The following KCNJ6 variants were observed in gnomAD, a reference collection of about 807,000 sequenced individuals.
The protein encoded by KCNJ6 is potassium inwardly rectifying channel subfamily J member 6.
KCNJ6 carries 9 observed loss-of-function variants against 34.2 expected under a neutral mutation model. That is an observed-to-expected ratio of 0.26 (90% CI 0.16 to 0.46). The LOEUF is 0.46. KCNJ6 is among the 20% of genes least tolerant of loss of function. The pLI, the probability that KCNJ6 is intolerant of heterozygous loss-of-function variation, is 1.00. For synonymous variants in KCNJ6, 196 were observed against 207.1 expected, an observed-to-expected ratio of 0.95 and a Z score of 0.46; for missense variants, 236 against 531.3, an observed-to-expected ratio of 0.44 and a Z score of 5.46.
At chr21:37,804,981 C>T (rs2055286685) in intron 2 of KCNJ6, among the ~76,000 whole-genome samples, 1 of 152,094 alleles carries the variant, frequency 6.6e-6, no homozygotes, top group African/African-American at 2.4e-5. Context: ...ATGGATGAAC[C>T]TTGATAACAT....
At chr21:37,750,315 G>C (rs1601452644) in intron 2 of KCNJ6, among the ~76,000 whole-genome samples, 1 of 152,350 alleles carries the variant, frequency 6.6e-6, no homozygotes, top group East Asian at 1.9e-4. Flanking sequence ...GTGGAAGACA[G>C]TGTGGCGATT....
chr21:37,688,354 C>A (rs1004781055), intron 3 of KCNJ6, among the ~76,000 whole-genome samples: 3 of 145,052 alleles, frequency 2.1e-5, no homozygotes, highest in Admixed American at 6.9e-5. Context: ...TAGAGATACA[C>A]CCGTATTTTA....
chr21:37,796,456 G>A (rs2055242561), intron 2 of KCNJ6, among the ~76,000 whole-genome samples: 1 of 152,208 alleles, frequency 6.6e-6, no homozygotes, highest in African/African-American at 2.4e-5. Context: ...GACCTGAAGG[G>A]TGGCAGATGG....
chr21:37,772,526 T>G (rs2055122434), intron 2 of KCNJ6, among the ~76,000 whole-genome samples: 1 of 152,190 alleles, frequency 6.6e-6, no homozygotes, highest in Non-Finnish European at 1.5e-5. Flanking sequence ...AAAAAGAAAC[T>G]AAAGCAATGC....
chr21:37,685,597 G>A (rs1260425403), intron 3 of KCNJ6, among the ~76,000 whole-genome samples: 1 of 3,500 alleles, frequency 2.9e-4, no homozygotes, highest in East Asian at 7.6e-3. Flanking sequence ...GGAGAATGGC[G>A]TGAACCCAGG....
chr21:37,732,914 G>A (rs2054893067), intron 2 of KCNJ6, among the ~76,000 whole-genome samples: 1 of 152,150 alleles, frequency 6.6e-6, no homozygotes, highest in Non-Finnish European at 1.5e-5. Flanking sequence ...CACCTGTTGG[G>A]TAGCTCCACC....
chr21:37,746,589 C>T (rs191311989), intron 2 of KCNJ6, among the ~76,000 whole-genome samples: 2 of 152,260 alleles, frequency 1.3e-5, no homozygotes, highest in Admixed American at 1.3e-4. Context: ...GGTGTTTGAC[C>T]TCTAAAGCTG....
chr21:37,875,686 A>G (rs1040194431), intron 1 of KCNJ6, among the ~76,000 whole-genome samples: 43 of 152,324 alleles, frequency 2.8e-4, no homozygotes, highest in African/African-American at 9.6e-4. Context: ...AACCAGGCTC[A>G]GAAGGTAGAA....
At chr21:37,903,815 G>T (rs7282130) in intron 1 of KCNJ6, among the ~76,000 whole-genome samples, 6,407 of 152,170 alleles carry the variant, frequency 0.042, 165 homozygotes, top group Non-Finnish European at 0.064. Context: ...AACAATACTT[G>T]TACATTGCAA....
At chr21:37,901,933 T>G (rs193043096) in intron 1 of KCNJ6, among the ~76,000 whole-genome samples, 1 of 151,588 alleles carries the variant, frequency 6.6e-6, no homozygotes. Context: ...GAAAACCAGC[T>G]AACTAATTTG....
At chr21:37,748,948 A>G (rs1292382520) in intron 2 of KCNJ6, among the ~76,000 whole-genome samples, 1 of 152,216 alleles carries the variant, frequency 6.6e-6, no homozygotes, top group Non-Finnish European at 1.5e-5. Context: ...CTTAATAGGT[A>G]TAGAGCTATC....
rs1194620935 is a variant in KCNJ6, at chr21:37,716,396, T to C, written c.26-1265A>G. On this transcript the variant is annotated intron_variant, in intron 2 of 3. Coordinates refer to ENST00000609713, the MANE Select transcript of KCNJ6 (RefSeq NM_002240.5). ...AAGTTTAAATTTTTTTTTTTTTTTT[T>C]AGAGATAGGGTCTCGCTCTGCCACC... is the stretch of plus-strand genomic sequence containing the variant. Among the ~76,000 whole-genome samples the C allele has an allele frequency of 1.2e-4, 18 of 151,178 alleles. No individual in the cohort carries two copies. The East Asian group carries it at 3.1e-3, about 26-fold the overall frequency.
At chr21:37,787,118 C>T (rs1232488789) in intron 2 of KCNJ6, among the ~76,000 whole-genome samples, 1 of 152,094 alleles carries the variant, frequency 6.6e-6, no homozygotes, top group Non-Finnish European at 1.5e-5. Flanking sequence ...TTCAGGCCAG[C>T]ATCTCAGAAA....
chr21:37,646,109 A>C (rs757370986), intron 3 of KCNJ6, among the ~76,000 whole-genome samples: 14 of 152,210 alleles, frequency 9.2e-5, no homozygotes, highest in Non-Finnish European at 1.6e-4. Context: ...AGTCTCCTTC[A>C]GTCCAAGTCT....
At chr21:37,842,957 G>C (rs1162651664) in intron 1 of KCNJ6, among the ~76,000 whole-genome samples, 1 of 152,014 alleles carries the variant, frequency 6.6e-6, no homozygotes, top group African/African-American at 2.4e-5. Flanking sequence ...CTTGTGTCCT[G>C]GTCTGTGACT....
At chr21:37,761,782 G>A (rs908935853) in intron 2 of KCNJ6, among the ~76,000 whole-genome samples, 1 of 151,930 alleles carries the variant, frequency 6.6e-6, no homozygotes. Flanking sequence ...TAGTGTGTGT[G>A]TGGTATGTGT....
chr21:37,704,763 A>G (rs1361783460), intron 3 of KCNJ6, among the ~76,000 whole-genome samples: 1 of 152,138 alleles, frequency 6.6e-6, no homozygotes, highest in Non-Finnish European at 1.5e-5. Context: ...ATCAAAGCCT[A>G]TATCTTTTTA....
chr21:37,667,626 A>G (rs570520452), intron 3 of KCNJ6, among the ~76,000 whole-genome samples: 1 of 75,860 alleles, frequency 1.3e-5, no homozygotes, highest in Non-Finnish European at 3.5e-5. Flanking sequence ...GGTAGCAGGC[A>G]CCGGGGTAGC....
chr21:37,863,416 C>A (rs1400802777), intron 1 of KCNJ6, among the ~76,000 whole-genome samples: 4 of 152,238 alleles, frequency 2.6e-5, no homozygotes, highest in Non-Finnish European at 5.9e-5. Flanking sequence ...TGATTTATTG[C>A]AAATCTGATT....
Sources: gnomAD v4.1 joint callset for allele counts (sites outside exome capture counted in the v4.1 genomes callset) on GRCh38, gnomAD v4.1.1 for gene constraint, MANE v1.5 for transcripts, NCBI Gene and HGNC (gene_info 2026-07-23, HGNC 2026-07-21) for gene names.